Variants in TMEM200A observed in about 807,000 individuals in gnomAD.
TMEM200A encodes the protein two transmembrane C.
TMEM200A carries 12 observed loss-of-function variants against 24.3 expected under a neutral mutation model. That is an observed-to-expected ratio of 0.49 (90% CI 0.32 to 0.80). The LOEUF is 0.80. Ranked by LOEUF, TMEM200A falls within the 30% of genes least tolerant of loss-of-function variation. TMEM200A has a pLI of 0.04. For synonymous variants in TMEM200A, 224 were observed against 224.4 expected (o/e 1.00, Z 0.02); for missense variants, 545 against 614.4 (o/e 0.89, Z 1.19).
At chr6:130,400,116 A>G (rs1779049787) in intron 2 of TMEM200A, among the ~76,000 whole-genome samples, 1 of 151,916 alleles carries the variant, frequency 6.6e-6, no homozygotes, top group African/African-American at 2.4e-5. Flanking sequence ...ATACACACAC[A>G]CACACACCAC....
rs1778166613 is a variant in TMEM200A, at chr6:130,366,743, G to A, written c.-81+219G>A. On this transcript the variant is annotated intron_variant, in intron 1 of 2. Coordinates refer to ENST00000296978, the MANE Select transcript of TMEM200A (RefSeq NM_001258277.2). This position sits in a 1 kb window ranked among gnomAD's most constrained non-coding sequence, Gnocchi z 4.4. ...GGGAGCGCGAGAGAAGCCGTGCGGG[G>A]CAGCCTCCAAGAACCCGGAGTACTG... Among the ~76,000 whole-genome samples the A allele has an allele frequency of 6.6e-6, 1 of 152,192 alleles. No homozygotes were observed. Among genetic ancestry groups the A allele is most frequent in the South Asian group, 2.1e-4 (1 of 4,824 alleles).
chr6:130,442,999 G>C lies in TMEM200A; in HGVS notation c.*1101G>C, dbSNP rs889191692. 1 of 166,812 alleles carries C rather than the reference G, an allele frequency of 6.0e-6. No individual in the cohort carries two copies. Among genetic ancestry groups the C allele is most frequent in the Admixed American group, 6.6e-5 (1 of 15,266 alleles). 10.3% of individuals were successfully genotyped at this position (166,812 alleles called of 1,614,324 possible). A position where few individuals can be genotyped will look rare whatever the true frequency, so the allele number is the denominator to read the frequency against. ...AAGACTTTCTTACGGTATAATACAT[G>C]TTGTTTAGGATTGTGTTTCTTAGTC... On this transcript the variant is annotated 3_prime_UTR_variant, in exon 3 of 3. Transcript: ENST00000296978.
intron 2 of TMEM200A, among the ~76,000 whole-genome samples, chr6:130,428,077 T>A (rs1428347467): frequency 6.6e-6 from 1 of 152,294 alleles, no homozygotes; most frequent in Admixed American, 6.5e-5. Context: ...TAGGCGTCCC[T>A]TGAACTCATT....
chr6:130,434,187 T>G (rs1235589964), intron 2 of TMEM200A, among the ~76,000 whole-genome samples: 1 of 152,226 alleles, frequency 6.6e-6, no homozygotes, highest in Non-Finnish European at 1.5e-5. Context: ...AGATACTTAC[T>G]GAGCATTTAG....
At chr6:130,424,720 T>TG (rs1224882996) in intron 2 of TMEM200A, among the ~76,000 whole-genome samples, 1 of 152,088 alleles carries the variant, frequency 6.6e-6, no homozygotes, top group African/African-American at 2.4e-5. Context: ...CAAGGATGGG[T>TG]GGGGGAGCCA....
intron 2 of TMEM200A, among the ~76,000 whole-genome samples, chr6:130,399,278 TTAGTATA>T (rs1466032060): frequency 6.6e-6 from 1 of 152,086 alleles, no homozygotes; most frequent in Admixed American, 6.6e-5. Flanking sequence ...TCTTCAGAAC[TTAGTATA>T]TTTCTTCAAC....
In TMEM200A at chr6:130,406,749, A is replaced by G. The variant is rs764782971; in HGVS notation, c.-17+21513A>G. Among the ~76,000 whole-genome samples, 9 of 152,294 alleles carry G rather than the reference A, an allele frequency of 5.9e-5. No homozygotes were observed. The South Asian group carries it at 1.9e-3, about 32-fold the overall frequency. ...GTTCTTCTGTCTTAAACAGAAGCCC[A>G]GTCCTCTCTCCTTAATTTGTACCCA... On this transcript the variant is annotated intron_variant, in intron 2 of 2. Coordinates refer to ENST00000296978, the MANE Select transcript of TMEM200A (RefSeq NM_001258277.2).
intron 2 of TMEM200A, among the ~76,000 whole-genome samples, chr6:130,422,011 A>T (rs1296942926): frequency 2.0e-5 from 3 of 152,202 alleles, no homozygotes; most frequent in Non-Finnish European, 4.4e-5. Flanking sequence ...TAATGCAGCA[A>T]TGAAAATGGG....
chr6:130,392,602 C>T (rs546608377), intron 2 of TMEM200A, among the ~76,000 whole-genome samples: 1 of 152,158 alleles, frequency 6.6e-6, no homozygotes, highest in African/African-American at 2.4e-5. Flanking sequence ...TGTCTCCCAT[C>T]GCCTAGTAAC....
intron 2 of TMEM200A, among the ~76,000 whole-genome samples, chr6:130,409,385 T>C (rs2115154727): frequency 6.6e-6 from 1 of 152,308 alleles, no homozygotes; most frequent in East Asian, 1.9e-4. Flanking sequence ...TCAGAAATAA[T>C]CTCAAATACC....
chr6:130,379,139 G>T (rs1443631849), intron 1 of TMEM200A, among the ~76,000 whole-genome samples: 3 of 152,320 alleles, frequency 2.0e-5, no homozygotes, highest in South Asian at 2.1e-4. Context: ...TTGAATTGGG[G>T]ATTAAGTTTT....
intron 2 of TMEM200A, among the ~76,000 whole-genome samples, chr6:130,421,951 A>G (rs1208290938): frequency 6.6e-6 from 1 of 152,080 alleles, no homozygotes; most frequent in African/African-American, 2.4e-5. Context: ...TTCTTTATTC[A>G]TGTGTCACTG....
chr6:130,409,549 A>G (rs1233641003), intron 2 of TMEM200A, among the ~76,000 whole-genome samples: 4 of 152,116 alleles, frequency 2.6e-5, no homozygotes, highest in East Asian at 1.9e-4. Flanking sequence ...CCCACATTCT[A>G]TCTGTGACAG....
chr6:130,403,798 A>G (rs1426945212), intron 2 of TMEM200A, among the ~76,000 whole-genome samples: 2 of 151,894 alleles, frequency 1.3e-5, no homozygotes, highest in Non-Finnish European at 2.9e-5. Flanking sequence ...CCCATTAGTT[A>G]TTTTTCCTGA....
upstream of TMEM200A, chr6:130,365,777 G>T: frequency 1.0e-6 from 1 of 985,506 alleles, no homozygotes; most frequent in East Asian, 1.1e-4. Flanking sequence ...CTCTCGAAGT[G>T]CAACTTTGTG....
chr6:130,386,434 G>A (rs1408289992), intron 2 of TMEM200A, among the ~76,000 whole-genome samples: 1 of 152,178 alleles, frequency 6.6e-6, no homozygotes, highest in Non-Finnish European at 1.5e-5. Flanking sequence ...TACTCTTAGA[G>A]TCACTAAAGG....
chr6:130,371,971 C>T (rs1778331605), intron 1 of TMEM200A, among the ~76,000 whole-genome samples: 1 of 152,182 alleles, frequency 6.6e-6, no homozygotes, highest in African/African-American at 2.4e-5. Context: ...CGTAAGCTCA[C>T]TAAATCTTCA....
intron 1 of TMEM200A, among the ~76,000 whole-genome samples, chr6:130,382,741 G>T (rs1778629649): frequency 1.3e-5 from 2 of 152,240 alleles, no homozygotes; most frequent in African/African-American, 4.8e-5. Context: ...GCCCATTTCA[G>T]CTCTGTTGAT....
intron 2 of TMEM200A, among the ~76,000 whole-genome samples, chr6:130,393,551 T>C (rs1285581879): frequency 6.6e-6 from 1 of 152,198 alleles, no homozygotes; most frequent in Non-Finnish European, 1.5e-5. Flanking sequence ...GCAAAGATCA[T>C]GTTCATGGGG....
Sources: allele counts gnomAD v4.1 joint callset (sites outside exome capture counted in the v4.1 genomes callset), GRCh38; gene constraint gnomAD v4.1.1; non-coding constraint Gnocchi (gnomAD v3.1); transcripts MANE v1.5; gene names NCBI Gene and HGNC (gene_info 2026-07-23, HGNC 2026-07-21).